DIS3L2: variants seen among roughly 807,000 people sequenced by gnomAD.
DIS3L2 encodes the protein DIS3 like 3'-5' exoribonuclease 2, also known as DIS3-like exonuclease 2.
In DIS3L2, 34 loss-of-function variants were observed where a neutral mutation model predicts 97.5. The observed-to-expected ratio is 0.35, with a 90% CI of 0.27 to 0.46. The LOEUF (loss-of-function observed/expected upper bound fraction) is 0.46. DIS3L2 is among the 20% of genes least tolerant of loss of function. DIS3L2 has a pLI of 1.00. For missense variants in DIS3L2, 1,038 were observed against 1,146.0 expected (o/e 0.91, Z 1.36); for synonymous variants, 435 against 445.2 (o/e 0.98, Z 0.29).
At chr2:232,021,703 A>G (rs1226124663) in intron 3 of DIS3L2, among the ~76,000 whole-genome samples, 1 of 152,188 alleles carries the variant, frequency 6.6e-6, no homozygotes, top group Non-Finnish European at 1.5e-5. Flanking sequence ...ACAGCACCAA[A>G]GAGGTGCTAA....
intron 13 of DIS3L2, among the ~76,000 whole-genome samples, chr2:232,278,968 G>A (rs1365624227): frequency 4.6e-5 from 7 of 152,028 alleles, no homozygotes; most frequent in East Asian, 1.9e-4. Flanking sequence ...ATGGAGTTTC[G>A]CTCTTGTTGC....
intron 6 of DIS3L2, among the ~76,000 whole-genome samples, chr2:232,116,617 C>T (rs1465213115): frequency 6.6e-6 from 1 of 152,114 alleles, no homozygotes; most frequent in African/African-American, 2.4e-5. Flanking sequence ...TGGTTATAAC[C>T]TGTTGAGATT....
At chr2:232,291,903 A>G (rs1469078935) in intron 13 of DIS3L2, among the ~76,000 whole-genome samples, 5 of 152,206 alleles carry the variant, frequency 3.3e-5, no homozygotes, top group East Asian at 1.9e-4. Context: ...TGCCCTTCCA[A>G]GGTCAGGCCA....
intron 10 of DIS3L2, among the ~76,000 whole-genome samples, chr2:232,238,191 A>G (rs896851706): frequency 6.6e-6 from 1 of 152,186 alleles, no homozygotes; most frequent in Admixed American, 6.5e-5. Flanking sequence ...ATTCACTTCT[A>G]GTGACCTAAA....
At chr2:232,092,111 A>G (rs1214624124) in intron 6 of DIS3L2, among the ~76,000 whole-genome samples, 1 of 152,178 alleles carries the variant, frequency 6.6e-6, no homozygotes, top group Non-Finnish European at 1.5e-5. Flanking sequence ...TCTTCTGCAT[A>G]TGGATATCCA....
At chr2:232,210,472 C>T (rs369774397) in intron 10 of DIS3L2, 67 bp downstream of exon 10, 1 of 1,388,008 alleles carries the variant, frequency 7.2e-7, no homozygotes, top group Non-Finnish European at 1.0e-6. Flanking sequence ...GTTAGCCTGG[C>T]TGCCCTGTGC....
chr2:232,279,525 TG>T (rs1694228740), intron 13 of DIS3L2, among the ~76,000 whole-genome samples: 1 of 151,798 alleles, frequency 6.6e-6, no homozygotes, highest in Non-Finnish European at 1.5e-5. Flanking sequence ...TTTGTTTGTT[TG>T]TTTGTTTGTT....
intron 9 of DIS3L2, among the ~76,000 whole-genome samples, chr2:232,174,367 C>G (rs1691085343): frequency 2.0e-5 from 3 of 151,982 alleles, no homozygotes; most frequent in Admixed American, 6.6e-5. Context: ...TGGTGGATCA[C>G]TTGAGATCAG....
intron 5 of DIS3L2, among the ~76,000 whole-genome samples, chr2:232,043,879 TTTTTA>T (rs1695171494): frequency 6.6e-6 from 1 of 152,186 alleles, no homozygotes; most frequent in African/African-American, 2.4e-5. Flanking sequence ...AAATTCTCAT[TTTTTA>T]TTAAAATTTC....
At chr2:232,131,151 T>C (rs1698206736) in intron 7 of DIS3L2, 1 of 155,784 alleles carries the variant, frequency 6.4e-6, no homozygotes, top group Non-Finnish European at 1.4e-5. Context: ...TTAATGTCTT[T>C]TTTAGTTTTT....
At chr2:231,995,076 A>G (rs1276444262) in intron 1 of DIS3L2, among the ~76,000 whole-genome samples, 2 of 151,790 alleles carry the variant, frequency 1.3e-5, no homozygotes, top group Non-Finnish European at 2.9e-5. Flanking sequence ...GGTGTGAGCC[A>G]TTGGGCCCTT....
chr2:232,225,771 A>C (rs1190552186), intron 10 of DIS3L2, among the ~76,000 whole-genome samples: 4 of 152,200 alleles, frequency 2.6e-5, no homozygotes, highest in African/African-American at 9.6e-5. Context: ...AAAAAAATGG[A>C]AACAACCCAA....
At chr2:232,213,861 G>A (rs1158584669) in intron 10 of DIS3L2, among the ~76,000 whole-genome samples, 1 of 152,012 alleles carries the variant, frequency 6.6e-6, no homozygotes, top group Non-Finnish European at 1.5e-5. Context: ...GATCAATTCA[G>A]CAAATCACAG....
At chr2:232,338,908 C>T (rs1372891316), downstream of DIS3L2, among the ~76,000 whole-genome samples, 4 of 152,378 alleles carry the variant, frequency 2.6e-5, no homozygotes, top group East Asian at 1.9e-4. Context: ...GGCCAGGGCC[C>T]GGGCACAGAG....
Position 232,207,101 on chromosome 2 carries a change from G to T in DIS3L2, c.1125-3225G>T, listed in dbSNP as rs529216772. On this transcript the variant is annotated intron_variant, in intron 9 of 20. Coordinates refer to ENST00000325385, the MANE Select transcript of DIS3L2 (RefSeq NM_152383.5). ...GAGTTCTTTTTGATTTTGACTAGGG[G>T]AACATTTTTTTGGCTTTTTATGATG... is the stretch of plus-strand genomic sequence containing the variant. 4.6e-5 allele frequency among the ~76,000 whole-genome samples: 7 copies of T among 152,294 alleles called. No homozygotes were observed. In the South Asian group the frequency reaches 1.5e-3, roughly 32 times the overall value.
intron 6 of DIS3L2, among the ~76,000 whole-genome samples, chr2:232,088,224 C>A (rs1457118079): frequency 9.8e-6 from 1 of 101,768 alleles, no homozygotes; most frequent in Non-Finnish European, 2.1e-5. Flanking sequence ...CATGGTGAAA[C>A]CCTGTCTCTA....
At chr2:232,114,404 A>T (rs1299793424) in intron 6 of DIS3L2, among the ~76,000 whole-genome samples, 1 of 152,198 alleles carries the variant, frequency 6.6e-6, no homozygotes, top group Non-Finnish European at 1.5e-5. Flanking sequence ...CTAGCTTAGC[A>T]ACTGTGTGAT....
chr2:232,228,788 CTTA>C (rs1692714690), intron 10 of DIS3L2, among the ~76,000 whole-genome samples: 1 of 152,168 alleles, frequency 6.6e-6, no homozygotes, highest in Non-Finnish European at 1.5e-5. Context: ...AAGTAACACA[CTTA>C]TTATTCAAGA....
intron 1 of DIS3L2, among the ~76,000 whole-genome samples, chr2:231,989,759 C>G (rs181422136): frequency 6.6e-6 from 1 of 152,048 alleles, no homozygotes; most frequent in Non-Finnish European, 1.5e-5. Context: ...TACTTGAGCC[C>G]GGGAGGTTGA....
Sources: gnomAD v4.1 joint callset for allele counts (sites outside exome capture counted in the v4.1 genomes callset) on GRCh38, gnomAD v4.1.1 for gene constraint, MANE v1.5 for transcripts, NCBI Gene and HGNC (gene_info 2026-07-23, HGNC 2026-07-21) for gene names.